Variants in SNX24 observed in about 807,000 individuals in gnomAD.
SNX24 encodes sorting nexin 24.
SNX24 carries 22 observed loss-of-function variants against 28.7 expected under a neutral mutation model. That is an observed-to-expected ratio of 0.77 (90% CI 0.55 to 1.10). The LOEUF (loss-of-function observed/expected upper bound fraction) is 1.10. Among genes scored for constraint, SNX24 ranks in the 50% least tolerant of loss-of-function variants. The pLI is 0.00. For synonymous variants in SNX24, 69 were observed against 71.5 expected (o/e 0.96, Z 0.18); for missense variants, 221 against 201.1 (o/e 1.10, Z -0.60).
At chr5:122,934,834 C>T (rs529852365) in intron 1 of SNX24, among the ~76,000 whole-genome samples, 105 of 152,152 alleles carry the variant, frequency 6.9e-4, no homozygotes, top group Non-Finnish European at 1.2e-3. Context: ...TTATCGCAAA[C>T]TTTGCTGTGG....
At position 122,855,350 on chromosome 5, in the gene SNX24, G is replaced by A. The variant is rs28825453; in HGVS notation, c.60+9657G>A. Among the ~76,000 whole-genome samples, 571 of 152,308 alleles carry A rather than the reference G, an allele frequency of 3.7e-3. 2 individuals carry two copies. The highest frequency in any genetic ancestry group is 0.013 in the African/African-American group (538 of 41,550). On this transcript the variant is annotated intron_variant, in intron 1 of 6. Transcript: ENST00000261369. ...CCCAAAGTGCTGGGATTACAGGCAT[G>A]AGCCACCACGCCCAGCCGACTGTGC...
At chr5:122,997,295 A>T (rs971069063) in intron 3 of SNX24, among the ~76,000 whole-genome samples, 1 of 152,208 alleles carries the variant, frequency 6.6e-6, no homozygotes, top group Non-Finnish European at 1.5e-5. Flanking sequence ...CCCAAAGTAC[A>T]TATTGGTCAT....
At chr5:123,017,703 A>T (rs576179624) in intron 5 of SNX24, among the ~76,000 whole-genome samples, 36 of 151,968 alleles carry the variant, frequency 2.4e-4, no homozygotes, top group Admixed American at 1.3e-3. Context: ...TGCTGTTCTC[A>T]TGGTGATGAA....
At chr5:123,018,535 C>T (rs1327311548) in intron 5 of SNX24, among the ~76,000 whole-genome samples, 3 of 152,146 alleles carry the variant, frequency 2.0e-5, no homozygotes, top group Non-Finnish European at 4.4e-5. Context: ...CTCACATGCT[C>T]TGAAAAGTTA....
At chr5:122,906,773 G>T (rs895469512) in intron 1 of SNX24, among the ~76,000 whole-genome samples, 1 of 152,234 alleles carries the variant, frequency 6.6e-6, no homozygotes, top group African/African-American at 2.4e-5. Context: ...CTCCCAAAGT[G>T]CTGGGATTAC....
chr5:123,014,514 G>C (rs1335969898), intron 5 of SNX24, among the ~76,000 whole-genome samples: 3 of 151,840 alleles, frequency 2.0e-5, no homozygotes, highest in Admixed American at 6.6e-5. Flanking sequence ...ATCAGAACTA[G>C]TATTGCAATA....
chr5:122,849,520 G>A (rs1754799021), intron 1 of SNX24, among the ~76,000 whole-genome samples: 2 of 151,342 alleles, frequency 1.3e-5, no homozygotes, highest in Admixed American at 6.6e-5. Context: ...GTTTTTGCTA[G>A]GATTGTGAAT....
intron 3 of SNX24, among the ~76,000 whole-genome samples, chr5:122,993,547 G>A (rs908761227): frequency 1.7e-4 from 26 of 152,082 alleles, no homozygotes; most frequent in African/African-American, 5.1e-4. Flanking sequence ...TGATCTGCCC[G>A]CCTCAGCCTC....
chr5:123,021,730 C>A (rs1762765603), intron 5 of SNX24, among the ~76,000 whole-genome samples: 1 of 152,162 alleles, frequency 6.6e-6, no homozygotes, highest in Admixed American at 6.5e-5. Flanking sequence ...AAAGACTCAC[C>A]CTGGCACCCA....
At chr5:122,990,964 T>G (rs569757807) in intron 3 of SNX24, among the ~76,000 whole-genome samples, 238 of 152,330 alleles carry the variant, frequency 1.6e-3, no homozygotes, top group African/African-American at 5.2e-3. Context: ...TGGCCCTATC[T>G]TGGCTTACTG....
rs569014747 is a variant in SNX24 at position 122,907,043 on chromosome 5, C to T, written c.61-29691C>T. 3.9e-5 allele frequency among the ~76,000 whole-genome samples: 6 copies of T among 152,250 alleles called. No homozygotes were observed. In the South Asian group the frequency reaches 1.0e-3, roughly 26 times the overall value. On this transcript the variant is annotated intron_variant, in intron 1 of 6. Coordinates refer to ENST00000261369, the MANE Select transcript of SNX24 (RefSeq NM_014035.4). Reference sequence around the variant, plus strand: ...AATAACATTGACTCAAAAAGGAAAACGTTATTCCCTTTTCACTTATCTTTT... The same window carrying T: ...AATAACATTGACTCAAAAAGGAAAATGTTATTCCCTTTTCACTTATCTTTT...
intron 1 of SNX24, among the ~76,000 whole-genome samples, chr5:122,907,235 A>G (rs1313594485): frequency 6.6e-6 from 1 of 152,148 alleles, no homozygotes; most frequent in African/African-American, 2.4e-5. Flanking sequence ...TATTTATAGC[A>G]AGTGATACTG....
At chr5:122,940,488 C>T (rs1047322964) in intron 2 of SNX24, among the ~76,000 whole-genome samples, 2 of 152,156 alleles carry the variant, frequency 1.3e-5, no homozygotes, top group Non-Finnish European at 2.9e-5. Flanking sequence ...TAGATATTGA[C>T]CCTCAAGGCT....
At chr5:123,017,654 G>T (rs1241871895) in intron 5 of SNX24, among the ~76,000 whole-genome samples, 1 of 152,086 alleles carries the variant, frequency 6.6e-6, no homozygotes, top group East Asian at 1.9e-4. Flanking sequence ...GAGGGACCCG[G>T]TGGGAGGTGG....
rs370968614 is a variant in SNX24 at position 122,852,132 on chromosome 5, A to C, written c.60+6439A>C. Among the ~76,000 whole-genome samples, 27 of 146,614 alleles carry C rather than the reference A, an allele frequency of 1.8e-4. No individual in the cohort carries two copies. The East Asian group carries it at 2.5e-3, about 14-fold the overall frequency. On this transcript the variant is annotated intron_variant, in intron 1 of 6. Coordinates refer to ENST00000261369, the MANE Select transcript of SNX24 (RefSeq NM_014035.4). ...TATCTATCTATATCTATATCTATAT[A>C]TATATGTATATATTTCTTTTTTTCT...
At chr5:122,926,648 T>A (rs1561607617) in intron 1 of SNX24, among the ~76,000 whole-genome samples, 1 of 148,712 alleles carries the variant, frequency 6.7e-6, no homozygotes, top group Non-Finnish European at 1.5e-5. Context: ...TAAGAACTGT[T>A]GGGGAAGACT....
At chr5:123,024,018 G>T (rs370683919) in intron 5 of SNX24, 2 of 1,610,368 alleles carry the variant, frequency 1.2e-6, no homozygotes, top group Non-Finnish European at 8.5e-7. Context: ...TGAGAGAAAA[G>T]TAGACACATG....
rs146515535 is a variant in SNX24, at chr5:122,861,071, GGC to G, written c.60+15379_60+15380del. Among the ~76,000 whole-genome samples the G allele has an allele frequency of 1.7e-4, 26 of 152,156 alleles. No individual in the cohort carries two copies. In the East Asian group the frequency reaches 4.7e-3, roughly 27 times the overall value. On this transcript the variant is annotated intron_variant, in intron 1 of 6. Coordinates refer to ENST00000261369, the MANE Select transcript of SNX24 (RefSeq NM_014035.4). ...AAAGAAACTTGAGGCTGGGTGCAGT[GGC>G]TGACGCCTATAATCCCAGCACTTTG...
At chr5:122,987,657 A>T (rs1298587835) in intron 3 of SNX24, among the ~76,000 whole-genome samples, 1 of 152,152 alleles carries the variant, frequency 6.6e-6, no homozygotes, top group Admixed American at 6.5e-5. Context: ...CTGATGGTAG[A>T]TCACAGCTCC....
Sources: allele counts gnomAD v4.1 joint callset (sites outside exome capture counted in the v4.1 genomes callset), GRCh38; gene constraint gnomAD v4.1.1; transcripts MANE v1.5; gene names NCBI Gene and HGNC (gene_info 2026-07-23, HGNC 2026-07-21).